Variants in ANAPC10 observed in about 807,000 individuals in gnomAD.
The protein encoded by ANAPC10 is anaphase-promoting complex subunit 10.
A neutral mutation model predicts 22.0 loss-of-function variants in ANAPC10; 12 were observed. That is an observed-to-expected ratio of 0.55 (90% CI 0.35 to 0.88). The LOEUF is 0.88. Ranked by LOEUF, ANAPC10 falls within the 40% of genes least tolerant of loss-of-function variation. The probability of loss-of-function intolerance (pLI) is 0.01; values close to 1 mark genes in which losing one functional copy is unlikely to be tolerated. For synonymous variants in ANAPC10, 65 were observed against 69.5 expected (o/e 0.94, Z 0.32); for missense variants, 188 against 220.9 (o/e 0.85, Z 0.94).
intron 3 of ANAPC10, among the ~76,000 whole-genome samples, chr4:145,074,350 T>C (rs1157076729): frequency 2.0e-5 from 3 of 152,062 alleles, no homozygotes; most frequent in African/African-American, 7.2e-5. Context: ...CATTTAATTA[T>C]GTAATAGGTA....
At position 145,098,174 on chromosome 4, in the gene ANAPC10, T is replaced by G. The variant is rs753722675; in HGVS notation, c.-67A>C. ...TCAGATTCTCGGCACCTCCAGCAGC[T>G]GGCTTCGCCAACGGCGTTGAACAAG... is the stretch of plus-strand genomic sequence containing the variant. On this transcript the variant is annotated 5_prime_UTR_variant, in exon 1 of 5. Transcript: ENST00000507656. 1 of 152,648 alleles carries G rather than the reference T, an allele frequency of 6.6e-6. No individual in the cohort carries two copies. Among genetic ancestry groups the G allele is most frequent in the Admixed American group, 6.5e-5 (1 of 15,310 alleles). 9.5% of individuals were successfully genotyped at this position (152,648 alleles called of 1,614,324 possible).
At chr4:145,030,737 G>C (rs1737446885) in intron 4 of ANAPC10, among the ~76,000 whole-genome samples, 1 of 152,150 alleles carries the variant, frequency 6.6e-6, no homozygotes, top group Admixed American at 6.5e-5. Flanking sequence ...TGGTGGGAAA[G>C]GCCAAATGGA....
In ANAPC10 at chr4:145,037,028, GTGTGTGTGTGTA is replaced by G. The variant is rs1336630864; in HGVS notation, c.327+27532_327+27543del. Among the ~76,000 whole-genome samples, 283 of 142,366 alleles carry G rather than the reference GTGTGTGTGTGTA, an allele frequency of 2.0e-3. 1 individual carries two copies. The highest frequency in any genetic ancestry group is 3.8e-3 in the Middle Eastern group (1 of 262). 93.4% of individuals were successfully genotyped at this position (142,366 alleles called of 152,430 possible). A position where few individuals can be genotyped will look rare whatever the true frequency, so the allele number is the denominator to read the frequency against. On this transcript the variant is annotated intron_variant, in intron 4 of 4. Transcript: ENST00000507656. ...TGTGTGTGTGTGTGTGTGTGTGTGT[GTGTGTGTGTGTA>G]TGTGTGTGCATGCATGAATGTGTGT...
chr4:145,093,681 T>C (rs1748058261), intron 2 of ANAPC10, among the ~76,000 whole-genome samples: 1 of 151,908 alleles, frequency 6.6e-6, no homozygotes, highest in South Asian at 2.1e-4. Context: ...AAAAATATAA[T>C]ATCACAGATG....
intron 4 of ANAPC10, among the ~76,000 whole-genome samples, chr4:145,054,679 T>C (rs555158272): frequency 6.8e-6 from 1 of 148,082 alleles, no homozygotes; most frequent in Non-Finnish European, 1.5e-5. Flanking sequence ...TGTGTGTGTG[T>C]GTGCCTGTGT....
intron 4 of ANAPC10, among the ~76,000 whole-genome samples, chr4:145,038,555 T>G (rs1040577668): frequency 3.3e-5 from 5 of 151,838 alleles, no homozygotes; most frequent in Admixed American, 1.3e-4. Context: ...CCAGGCGCAA[T>G]GGCTCATGCC....
intron 4 of ANAPC10, among the ~76,000 whole-genome samples, chr4:145,034,152 T>C (rs542380593): frequency 6.6e-6 from 1 of 152,278 alleles, no homozygotes; most frequent in East Asian, 1.9e-4. Flanking sequence ...CGATGGTTAA[T>C]ACTGAAAGTC....
At chr4:145,038,113 T>C (rs1186137790) in intron 4 of ANAPC10, among the ~76,000 whole-genome samples, 3 of 152,020 alleles carry the variant, frequency 2.0e-5, no homozygotes, top group Admixed American at 6.5e-5. Flanking sequence ...AAGGGGAGGA[T>C]AGCTTGAGGC....
At chr4:145,037,846 C>T (rs1738826675) in intron 4 of ANAPC10, among the ~76,000 whole-genome samples, 1 of 150,332 alleles carries the variant, frequency 6.7e-6, no homozygotes, top group Non-Finnish European at 1.5e-5. Flanking sequence ...ACTCAGGAGG[C>T]TGAGGCAGGA....
rs529870484 is a variant in ANAPC10 at position 144,995,651 on chromosome 4, A to C, written c.328-48T>G. The C allele has an allele frequency of 2.0e-5, 26 of 1,270,182 alleles. No individual in the cohort carries two copies. In the South Asian group the frequency reaches 2.6e-4, roughly 13 times the overall value. 78.7% of individuals were successfully genotyped at this position (1,270,182 alleles called of 1,614,324 possible). On this transcript the variant is annotated intron_variant, in intron 4 of 4. Transcript: ENST00000507656. ...ATTATGCTTTTATTCAACAAATATAATTTATAACAATGAATGCATTCTATA... is the reference window on the plus strand; with the variant it reads ...ATTATGCTTTTATTCAACAAATATACTTTATAACAATGAATGCATTCTATA...
At chr4:145,009,222 A>G (rs1733911280) in intron 4 of ANAPC10, among the ~76,000 whole-genome samples, 1 of 152,184 alleles carries the variant, frequency 6.6e-6, no homozygotes, top group Non-Finnish European at 1.5e-5. Context: ...GCTCATGGAT[A>G]GGAAGAATCA....
Position 145,081,857 on chromosome 4 carries a change from A to C in ANAPC10, c.116-107T>G, listed in dbSNP as rs1391495842. On this transcript the variant is annotated intron_variant, in intron 2 of 4. Transcript: ENST00000507656. ...TGTCCAGAAATTTTGATAAACAGAAAGGTCAGAAATATTAATTTTTTTTTA... is the reference window on the plus strand; with the variant it reads ...TGTCCAGAAATTTTGATAAACAGAACGGTCAGAAATATTAATTTTTTTTTA... The C allele has an allele frequency of 3.7e-6, 3 of 810,428 alleles. No individual in the cohort carries two copies. In the Admixed American group the frequency reaches 7.1e-5, roughly 19 times the overall value. The allele number at this position is 810,428 out of a possible 1,614,324, so 50.2% of individuals were successfully genotyped here.
chr4:145,047,477 A>T (rs1286132403), intron 4 of ANAPC10, among the ~76,000 whole-genome samples: 3 of 152,180 alleles, frequency 2.0e-5, no homozygotes, highest in African/African-American at 7.2e-5. Context: ...TGATAATTCC[A>T]TGCTACCGAT....
intron 4 of ANAPC10, among the ~76,000 whole-genome samples, chr4:145,036,135 G>A (rs1229016971): frequency 2.6e-5 from 4 of 152,126 alleles, no homozygotes; most frequent in South Asian, 4.2e-4. Flanking sequence ...TATGATTCAG[G>A]CATAAAAATA....
chr4:145,090,044 T>C (rs543731603), intron 2 of ANAPC10, among the ~76,000 whole-genome samples: 13 of 152,306 alleles, frequency 8.5e-5, no homozygotes, highest in Admixed American at 3.3e-4. Flanking sequence ...TAGTCTCATT[T>C]ACTACATGAA....
chr4:145,053,427 A>G (rs1741426979), intron 4 of ANAPC10, among the ~76,000 whole-genome samples: 1 of 152,180 alleles, frequency 6.6e-6, no homozygotes, highest in South Asian at 2.1e-4. Context: ...CCTCTGTCCT[A>G]CTTAATTAAG....
At chr4:145,098,303 G>C (rs1748923458), upstream of ANAPC10, 1 of 152,382 alleles carries the variant, frequency 6.6e-6, no homozygotes, top group African/African-American at 2.4e-5. Context: ...CGCGTGCGGC[G>C]GCTGGGCACC....
At chr4:145,022,609 A>T (rs1243865367) in intron 4 of ANAPC10, among the ~76,000 whole-genome samples, 1 of 152,010 alleles carries the variant, frequency 6.6e-6, no homozygotes, top group African/African-American at 2.4e-5. Flanking sequence ...TAAAGAACTT[A>T]CACATGTAAC....
At chr4:145,024,387 A>G (rs978080296) in intron 4 of ANAPC10, among the ~76,000 whole-genome samples, 68 of 152,346 alleles carry the variant, frequency 4.5e-4, no homozygotes, top group African/African-American at 1.6e-3. Flanking sequence ...GTTCCATCAG[A>G]GGAATCACTA....
Sources: gnomAD v4.1 joint callset for allele counts (sites outside exome capture counted in the v4.1 genomes callset) on GRCh38, gnomAD v4.1.1 for gene constraint, MANE v1.5 for transcripts, NCBI Gene and HGNC (gene_info 2026-07-23, HGNC 2026-07-21) for gene names.